Variants in ATP9A observed in about 807,000 individuals in gnomAD.
ATP9A encodes the protein ATPase phospholipid transporting 9A, also known as probable phospholipid-transporting ATPase IIA.
Under a neutral mutation model 144.1 loss-of-function variants are expected in ATP9A, and 52 were observed. The observed-to-expected ratio is 0.36, with a 90% CI of 0.29 to 0.45. The LOEUF is 0.45. Among genes scored for constraint, ATP9A ranks in the 20% least tolerant of loss-of-function variants. The pLI is 1.00. For synonymous variants in ATP9A, 582 were observed against 557.4 expected (o/e 1.04, Z -0.62); for missense variants, 947 against 1,392.7 (o/e 0.68, Z 5.09).
At position 51,708,455 on chromosome 20, in the gene ATP9A, C is replaced by T. The variant is rs189279296; in HGVS notation, c.436+4511G>A. On this transcript the variant is annotated intron_variant, in intron 4 of 27. Transcript: ENST00000338821. Reference sequence around the variant, plus strand: ...TAATTCAGCTGTTTAAAATTACTGGCCAGGCATGGTGGCTCACACCTGTAA... The same window carrying T: ...TAATTCAGCTGTTTAAAATTACTGGTCAGGCATGGTGGCTCACACCTGTAA... 3.1e-4 allele frequency among the ~76,000 whole-genome samples: 47 copies of T among 152,286 alleles called. 2 individuals carry two copies. Among genetic ancestry groups the T allele is most frequent in the Admixed American group, 2.7e-3 (41 of 15,300 alleles).
At chr20:51,749,864 T>G (rs2077824074) in intron 1 of ATP9A, among the ~76,000 whole-genome samples, 1 of 151,924 alleles carries the variant, frequency 6.6e-6, no homozygotes, top group Non-Finnish European at 1.5e-5. Flanking sequence ...AAAAATAAAA[T>G]AGGCCGGGTG....
chr20:51,758,415 C>T (rs1209208721), intron 1 of ATP9A, among the ~76,000 whole-genome samples: 1 of 152,352 alleles, frequency 6.6e-6, no homozygotes, highest in East Asian at 1.9e-4. Context: ...GCCCTTATCA[C>T]TGACTTTCAA....
chr20:51,737,229 C>G (rs1346133197), intron 1 of ATP9A, among the ~76,000 whole-genome samples: 1 of 152,148 alleles, frequency 6.6e-6, no homozygotes, highest in African/African-American at 2.4e-5. Flanking sequence ...ACTTTTTTTC[C>G]CAGTCTCTCA....
chr20:51,688,973 A>C, intron 9 of ATP9A, 91 bp downstream of exon 9: 1 of 1,409,578 alleles, frequency 7.1e-7, no homozygotes, highest in Non-Finnish European at 1.0e-6. Context: ...CCGAGCACTC[A>C]TTTTTCCAAC....
At chr20:51,692,733 T>C (rs901770538) in intron 7 of ATP9A, among the ~76,000 whole-genome samples, 2 of 151,938 alleles carry the variant, frequency 1.3e-5, no homozygotes, top group African/African-American at 4.8e-5. Context: ...ACCCAGGAGG[T>C]GGAGGTTGCA....
At chr20:51,679,482 C>G (rs533560957) in intron 9 of ATP9A, among the ~76,000 whole-genome samples, 13 of 152,188 alleles carry the variant, frequency 8.5e-5, no homozygotes, top group African/African-American at 3.1e-4. Flanking sequence ...TGGTCCCCAT[C>G]CACCACTATC....
chr20:51,696,239 T>C, intron 5 of ATP9A, 95 bp from the exon 6 acceptor site: 1 of 1,107,464 alleles, frequency 9.0e-7, no homozygotes, highest in African/African-American at 1.6e-5. Flanking sequence ...AACCCCTCGG[T>C]GGGTTGGGGC....
intron 14 of ATP9A, among the ~76,000 whole-genome samples, chr20:51,648,606 C>G (rs2077351595): frequency 6.6e-6 from 1 of 152,120 alleles, no homozygotes; most frequent in African/African-American, 2.4e-5. Context: ...TGAGGCAGGA[C>G]AGTTGCTTGA....
At chr20:51,648,191 C>A (rs2077349353) in intron 14 of ATP9A, among the ~76,000 whole-genome samples, 1 of 152,156 alleles carries the variant, frequency 6.6e-6, no homozygotes, top group South Asian at 2.1e-4. Context: ...AGGGGAACTG[C>A]ATACATCTTA....
chr20:51,723,563 CTT>C lies in ATP9A; in HGVS notation c.327+2254_327+2255del, dbSNP rs753282602. ...ACTACAGCCTGGGCAACAGCAAATT[CTT>C]TTTTTTTTTTTTTTTTTTGAGACGG... is the stretch of plus-strand genomic sequence containing the variant. On this transcript the variant is annotated intron_variant, in intron 3 of 27. Coordinates refer to ENST00000338821, the MANE Select transcript of ATP9A (RefSeq NM_006045.3). 9.4e-4 allele frequency among the ~76,000 whole-genome samples: 125 copies of C among 133,256 alleles called. 1 individual carries two copies. Among genetic ancestry groups the C allele is most frequent in the African/African-American group, 1.1e-3 (41 of 36,814 alleles). The allele number at this position is 133,256 out of a possible 152,430, so 87.4% of individuals were successfully genotyped here.
intron 13 of ATP9A, among the ~76,000 whole-genome samples, chr20:51,666,532 T>G (rs1418318267): frequency 6.6e-6 from 1 of 151,794 alleles, no homozygotes; most frequent in Admixed American, 6.6e-5. Flanking sequence ...AATATAAAAA[T>G]TAGCCGGGCG....
rs778669196 is a variant in ATP9A, at chr20:51,696,061, G to C, written c.547+32C>G. ...GCCAAATTACCACTGAAAGGTTAAT[G>C]GTTATTTTCCAAATTGATCTCAGAT... On this transcript the variant is annotated intron_variant, in intron 6 of 27. Coordinates refer to ENST00000338821, the MANE Select transcript of ATP9A (RefSeq NM_006045.3). 15 of 1,589,134 alleles carry C rather than the reference G, an allele frequency of 9.4e-6. No individual in the cohort carries two copies. In the Admixed American group the frequency reaches 2.2e-4, roughly 23 times the overall value.
chr20:51,625,470 G>T (rs561934004), intron 17 of ATP9A, 108 bp from the exon 18 acceptor site: 111 of 1,325,180 alleles, frequency 8.4e-5, no homozygotes, highest in Non-Finnish European at 1.0e-4. Context: ...CACACGGGGT[G>T]GGGGACCCCA....
intron 1 of ATP9A, among the ~76,000 whole-genome samples, chr20:51,738,541 T>G (rs1327372107): frequency 2.0e-5 from 3 of 150,400 alleles, no homozygotes; most frequent in African/African-American, 7.3e-5. Context: ...CTGTCTCTAC[T>G]AAAAATACAA....
intron 26 of ATP9A, among the ~76,000 whole-genome samples, chr20:51,606,220 G>A (rs1018295625): frequency 3.3e-5 from 5 of 152,172 alleles, no homozygotes; most frequent in African/African-American, 1.2e-4. Flanking sequence ...TGGCGCCACT[G>A]CACTCCAGCC....
intron 8 of ATP9A, 73 bp downstream of exon 8, chr20:51,690,666 G>C (rs1401338672): frequency 1.6e-6 from 2 of 1,278,008 alleles, no homozygotes; most frequent in African/African-American, 2.9e-5. Context: ...AGAACTGTCA[G>C]TACTTCTTGG....
intron 14 of ATP9A, among the ~76,000 whole-genome samples, chr20:51,639,938 T>G (rs767798236): frequency 2.0e-5 from 3 of 151,896 alleles, no homozygotes; most frequent in Non-Finnish European, 4.4e-5. Context: ...ATACAAAAAT[T>G]ACCCAGGCAT....
chr20:51,637,223 G>GAAGAGTGGTGCA (rs1434069109), intron 15 of ATP9A, among the ~76,000 whole-genome samples: 12 of 147,106 alleles, frequency 8.2e-5, no homozygotes, highest in African/African-American at 2.7e-4. Flanking sequence ...TGATCAAGGA[G>GAAGAGTGGTGCA]AAGAGTGGTG....
chr20:51,627,306 A>G (rs1467414), intron 17 of ATP9A, among the ~76,000 whole-genome samples: 113,287 of 152,060 alleles, frequency 0.75, 43,427 homozygotes, highest in Middle Eastern at 0.84. Flanking sequence ...GTGAAATGGT[A>G]TGATGGATGG....
Sources: allele counts gnomAD v4.1 joint callset (sites outside exome capture counted in the v4.1 genomes callset), GRCh38; gene constraint gnomAD v4.1.1; transcripts MANE v1.5; gene names NCBI Gene and HGNC (gene_info 2026-07-23, HGNC 2026-07-21).